TMEM233: variants seen among roughly 807,000 people sequenced by gnomAD.
TMEM233 encodes transmembrane protein 233, also known as dispanin subfamily B member 2.
A neutral mutation model predicts 11.2 loss-of-function variants in TMEM233; 6 were observed. The observed-to-expected ratio is 0.54, with a 90% CI of 0.29 to 1.06. The LOEUF is 1.06. TMEM233 is among the 50% of genes least tolerant of loss of function. TMEM233 has a pLI of 0.08. For synonymous variants in TMEM233, 59 were observed against 55.8 expected, an observed-to-expected ratio of 1.06 and a Z score of -0.26; for missense variants, 127 against 144.7, an observed-to-expected ratio of 0.88 and a Z score of 0.63.
intron 1 of TMEM233, among the ~76,000 whole-genome samples, chr12:119,605,717 C>T (rs1271970507): frequency 6.6e-6 from 1 of 152,104 alleles, no homozygotes; most frequent in Non-Finnish European, 1.5e-5. Context: ...GCGTGAGCCA[C>T]AACATCTGGC....
intron 1 of TMEM233, among the ~76,000 whole-genome samples, chr12:119,607,075 A>C (rs1954295499): frequency 6.6e-6 from 1 of 152,228 alleles, no homozygotes; most frequent in Non-Finnish European, 1.5e-5. Flanking sequence ...ATTGACCCTT[A>C]AAAGCATGAA....
intron 2 of TMEM233, among the ~76,000 whole-genome samples, chr12:119,630,275 G>A (rs1480118374): frequency 6.6e-6 from 1 of 152,142 alleles, no homozygotes; most frequent in Non-Finnish European, 1.5e-5. Flanking sequence ...TTTGGATCAG[G>A]TCAACAATAT....
chr12:119,623,986 C>A (rs969592391), intron 1 of TMEM233, among the ~76,000 whole-genome samples: 10 of 152,100 alleles, frequency 6.6e-5, no homozygotes, highest in Non-Finnish European at 1.2e-4. Context: ...CGACGGTGGG[C>A]ATCTTGACCT....
intron 1 of TMEM233, among the ~76,000 whole-genome samples, chr12:119,613,232 G>A (rs1392923740): frequency 6.7e-6 from 1 of 149,410 alleles, no homozygotes; most frequent in Non-Finnish European, 1.5e-5. Context: ...AAAAAAAAAG[G>A]GCTACAGGTT....
intron 2 of TMEM233, chr12:119,631,117 ATC>A (rs1305012816): frequency 6.6e-6 from 1 of 152,276 alleles, no homozygotes; most frequent in African/African-American, 2.4e-5. Context: ...GTCCAGATCC[ATC>A]TCTGTCTTGC....
intron 1 of TMEM233, among the ~76,000 whole-genome samples, chr12:119,609,891 C>A (rs1433874391): frequency 2.0e-5 from 3 of 152,246 alleles, no homozygotes; most frequent in East Asian, 3.8e-4. Flanking sequence ...CCCACAGAGT[C>A]CCCATGGGGG....
At chr12:119,597,469 TAAA>T (rs397724666) in intron 1 of TMEM233, among the ~76,000 whole-genome samples, 1 of 146,318 alleles carries the variant, frequency 6.8e-6, no homozygotes, top group African/African-American at 2.5e-5. Flanking sequence ...TCCAGAATGG[TAAA>T]AAAAAAAAGA....
intron 2 of TMEM233, among the ~76,000 whole-genome samples, chr12:119,640,015 A>G (rs1352423468): frequency 2.0e-5 from 3 of 152,240 alleles, no homozygotes; most frequent in Non-Finnish European, 4.4e-5. Context: ...CTTATTGATC[A>G]GTTTCAATGC....
chr12:119,607,838 G>A (rs534259929), intron 1 of TMEM233, among the ~76,000 whole-genome samples: 9 of 151,926 alleles, frequency 5.9e-5, no homozygotes, highest in Non-Finnish European at 8.8e-5. Context: ...CTCCCACCTC[G>A]GCCTCTCAAA....
At chr12:119,634,354 G>A in intron 2 of TMEM233, 1 of 776,512 alleles carries the variant, frequency 1.3e-6, no homozygotes, top group Non-Finnish European at 1.6e-6. Flanking sequence ...GCTCACACCT[G>A]TAATCCAATA....
In TMEM233 at chr12:119,629,731, C is replaced by T. The variant is rs1241352453; in HGVS notation, c.187-5C>T. On this transcript the variant is annotated splice_polypyrimidine_tract_variant and splice_region_variant and intron_variant, in intron 1 of 2. Transcript: ENST00000426426. ...CATCACCAGCTCTTCCCTTCTGTCCCCCAGTCTCTGAACAGCTACAACGAT... is the reference window on the plus strand; with the variant it reads ...CATCACCAGCTCTTCCCTTCTGTCCTCCAGTCTCTGAACAGCTACAACGAT... 6.5e-7 allele frequency: 1 copy of T among 1,549,540 alleles called. No individual in the cohort carries two copies. Among genetic ancestry groups the T allele is most frequent in the Non-Finnish European group, 8.7e-7 (1 of 1,146,100 alleles).
At chr12:119,621,518 A>G (rs558437662) in intron 1 of TMEM233, among the ~76,000 whole-genome samples, 1 of 147,026 alleles carries the variant, frequency 6.8e-6, no homozygotes, top group Non-Finnish European at 1.5e-5. Context: ...GAAAAAAAAA[A>G]CACAAACTTC....
intron 1 of TMEM233, among the ~76,000 whole-genome samples, chr12:119,618,806 A>G (rs892563072): frequency 1.3e-5 from 2 of 152,194 alleles, no homozygotes; most frequent in Non-Finnish European, 2.9e-5. Context: ...GTCTTGTCTC[A>G]GATGAGAACT....
chr12:119,651,079 T>C, the TMEM233 span, among the ~76,000 whole-genome samples: 1 of 152,212 alleles, frequency 6.6e-6, no homozygotes, highest in Admixed American at 6.5e-5. Context: ...TCCATCCGAG[T>C]ATACGATTTA....
chr12:119,600,670 A>G (rs1360814556), intron 1 of TMEM233, among the ~76,000 whole-genome samples: 4 of 152,226 alleles, frequency 2.6e-5, no homozygotes, highest in Non-Finnish European at 4.4e-5. Flanking sequence ...ACTAGGCTAA[A>G]TACAAGAAGC....
intron 2 of TMEM233, among the ~76,000 whole-genome samples, chr12:119,637,157 G>C (rs1302168643): frequency 1.6e-4 from 25 of 152,084 alleles, no homozygotes. Context: ...TTTTGTTTTT[G>C]AGGAACATAA....
chr12:119,628,236 T>C (rs1174291290), intron 1 of TMEM233, among the ~76,000 whole-genome samples: 3 of 151,926 alleles, frequency 2.0e-5, no homozygotes, highest in Non-Finnish European at 4.4e-5. Flanking sequence ...CTCAGCTCAC[T>C]GCAACCTCTG....
At chr12:119,601,132 A>G (rs1954155649) in intron 1 of TMEM233, among the ~76,000 whole-genome samples, 1 of 152,212 alleles carries the variant, frequency 6.6e-6, no homozygotes, top group Non-Finnish European at 1.5e-5. Flanking sequence ...AATAAGCAAT[A>G]TAGAAAAAAT....
At position 119,593,869 on chromosome 12, in the gene TMEM233, C is replaced by T. The variant is rs1366112585; in HGVS notation, c.21C>T (p.Ser7=). 1.3e-6 allele frequency: 2 copies of T among 1,551,676 alleles called. No individual in the cohort carries two copies. The highest frequency in any genetic ancestry group is 2.4e-5 in the South Asian group (2 of 84,062). Residue 7 remains serine (S), a synonymous_variant, in exon 1 of 3, where the codon AGC becomes AGT. Transcript: ENST00000426426. This position sits in a 1 kb window ranked among gnomAD's most constrained non-coding sequence, Gnocchi z 4.1. ...CGCCCATGTCTCAGTACGCCCCTAG[C>T]CCGGACTTCAAGAGGGCTTTGGACA... MSQYAP[S]PDFKRALDSS... is the part of the protein sequence containing the mutation.
Sources: gnomAD v4.1 joint callset for allele counts (sites outside exome capture counted in the v4.1 genomes callset) on GRCh38, gnomAD v4.1.1 for gene constraint, Gnocchi (gnomAD v3.1) non-coding constraint, MANE v1.5 for transcripts, NCBI Gene and HGNC (gene_info 2026-07-23, HGNC 2026-07-21) for gene names.